The following CREBBP variants were observed in gnomAD, a reference collection of about 807,000 sequenced individuals.
CREBBP encodes CREB binding lysine acetyltransferase, also known as CREB-binding protein.
Under a neutral mutation model 265.0 loss-of-function variants are expected in CREBBP, and 19 were observed. That is an observed-to-expected ratio of 0.07 (90% CI 0.05 to 0.11). The LOEUF is 0.11. CREBBP is among the 10% of genes least tolerant of loss of function. CREBBP has a pLI of 1.00. For synonymous variants in CREBBP, 1,457 were observed against 1,223.7 expected, an observed-to-expected ratio of 1.19 and a Z score of -3.98; for missense variants, 2,525 against 3,219.0, an observed-to-expected ratio of 0.78 and a Z score of 5.22.
intron 3 of CREBBP, among the ~76,000 whole-genome samples, chr16:3,798,491 T>C (rs1342380168): frequency 6.6e-6 from 1 of 152,180 alleles, no homozygotes; most frequent in Non-Finnish European, 1.5e-5. Context: ...AAAAGACTAA[T>C]AGCCCAATTA....
rs534870621 is a variant in CREBBP at position 3,733,859 on chromosome 16, C to G, written c.4729-1922G>C. 1.5e-3 allele frequency among the ~76,000 whole-genome samples: 234 copies of G among 152,320 alleles called. 2 individuals carry two copies. In the South Asian group the frequency reaches 0.028, roughly 18 times the overall value. Reference sequence around the variant, plus strand: ...GTTTCACCATGTTGGCCAAGCTGGTCTCAAACTCCTGACCTCAAGTGATCC... The same window carrying G: ...GTTTCACCATGTTGGCCAAGCTGGTGTCAAACTCCTGACCTCAAGTGATCC... On this transcript the variant is annotated intron_variant, in intron 28 of 30. Transcript: ENST00000262367.
chr16:3,782,696 G>C lies in CREBBP; in HGVS notation c.1561C>G (p.Leu521Val). ...TTCCTTCACCTACCCAGGGGGTTGA[G>C]AGTCCTCATCTGCTGGTGGGTTTGA... ...QPQTHQQMRT[L>V]NPLGNNPMNI... The change falls in exon 6 of 31, where the codon CTC becomes GTC. Residue 521 changes from leucine (L) to valine (V), a missense_variant. Leu to Val is a conservative substitution (Grantham distance 32). Coordinates refer to ENST00000262367, the MANE Select transcript of CREBBP (RefSeq NM_004380.3). The C allele has an allele frequency of 6.2e-7, 1 of 1,614,126 alleles. No homozygotes were observed. The highest frequency in any genetic ancestry group is 8.5e-7 in the Non-Finnish European group (1 of 1,180,004).
intron 11 of CREBBP, among the ~76,000 whole-genome samples, chr16:3,776,568 T>G (rs1347497907): frequency 2.6e-5 from 4 of 152,162 alleles, no homozygotes; most frequent in Non-Finnish European, 5.9e-5. Context: ...CGTCCCCATT[T>G]CAGCCTCTGC....
Position 3,725,936 on chromosome 16 carries a change from G to A in CREBBP, c.*1782C>T, listed in dbSNP as rs2051730674. On this transcript the variant is annotated 3_prime_UTR_variant, in exon 31 of 31. Coordinates refer to ENST00000262367, the MANE Select transcript of CREBBP (RefSeq NM_004380.3). ...TTAGGGGATGAACTTCAGCTCCCCT[G>A]CCCATGGTCCTCCTCTCAGTTTTAC... 1 of 233,058 alleles carries A rather than the reference G, an allele frequency of 4.3e-6. No individual in the cohort carries two copies. Among genetic ancestry groups the A allele is most frequent in the African/African-American group, 2.2e-5 (1 of 45,322 alleles). The allele number at this position is 233,058 out of a possible 1,614,324, so 14.4% of individuals were successfully genotyped here.
At chr16:3,835,152 C>T (rs1039545376) in intron 2 of CREBBP, among the ~76,000 whole-genome samples, 1 of 152,084 alleles carries the variant, frequency 6.6e-6, no homozygotes. Context: ...GAGCGAGACT[C>T]CTTCTCCAAA....
intron 13 of CREBBP, among the ~76,000 whole-genome samples, chr16:3,773,450 A>G (rs2053062274): frequency 1.3e-5 from 2 of 152,358 alleles, no homozygotes; most frequent in South Asian, 4.1e-4. Flanking sequence ...AGAATTTAAA[A>G]TACACAAACA....
Position 3,875,448 on chromosome 16 carries a change from G to A in CREBBP, c.85+4384C>T, listed in dbSNP as rs575732806. Among the ~76,000 whole-genome samples, 5 of 152,194 alleles carry A rather than the reference G, an allele frequency of 3.3e-5. No homozygotes were observed. In the South Asian group the frequency reaches 6.2e-4, roughly 19 times the overall value. On this transcript the variant is annotated intron_variant, in intron 1 of 30. Coordinates refer to ENST00000262367, the MANE Select transcript of CREBBP (RefSeq NM_004380.3). Reference sequence around the variant, plus strand: ...TTCTCCCTGAGGTAAACAGGAACACGAGCCCACACACGTCACGCTGAGGAT... The same window carrying A: ...TTCTCCCTGAGGTAAACAGGAACACAAGCCCACACACGTCACGCTGAGGAT...
chr16:3,783,278 C>T (rs773655091), intron 5 of CREBBP, among the ~76,000 whole-genome samples: 13 of 152,178 alleles, frequency 8.5e-5, no homozygotes, highest in Non-Finnish European at 1.6e-4. Context: ...ACAAGGGAAA[C>T]GTCTGATTCT....
chr16:3,854,493 T>A (rs1041474071), intron 1 of CREBBP, among the ~76,000 whole-genome samples: 6 of 152,202 alleles, frequency 3.9e-5, no homozygotes, highest in African/African-American at 1.4e-4. Context: ...GAAAATACAC[T>A]TACTATCACT....
intron 3 of CREBBP, among the ~76,000 whole-genome samples, chr16:3,794,895 G>C (rs905331188): frequency 1.3e-5 from 2 of 152,124 alleles, no homozygotes; most frequent in African/African-American, 2.4e-5. Context: ...TTGCTTCCAC[G>C]ACCCTCATTA....
At chr16:3,742,908 G>T (rs1215860219) in intron 23 of CREBBP, 1 of 152,186 alleles carries the variant, frequency 6.6e-6, no homozygotes, top group Non-Finnish European at 1.5e-5. Context: ...CTGCTCTGGG[G>T]CCACTTGTGC....
intron 23 of CREBBP, chr16:3,740,887 C>T (rs555322745): frequency 4.2e-5 from 16 of 378,002 alleles, no homozygotes; most frequent in East Asian, 2.6e-4. Flanking sequence ...TGTTGCTTCC[C>T]GCTTTCCCTG....
At chr16:3,840,277 G>C (rs1271414713) in intron 2 of CREBBP, among the ~76,000 whole-genome samples, 1 of 152,180 alleles carries the variant, frequency 6.6e-6, no homozygotes, top group African/African-American at 2.4e-5. Context: ...TTCCAGCCAG[G>C]CATGATAGTT....
chr16:3,741,942 T>TGGTGGCGGGCGC (rs2052222542), intron 23 of CREBBP: 1 of 151,698 alleles, frequency 6.6e-6, no homozygotes, highest in Non-Finnish European at 1.5e-5. Context: ...ACTACAGGCA[T>TGGTGGCGGGCGC]GGTGGCGGGC....
intron 8 of CREBBP, among the ~76,000 whole-genome samples, 199 bp from the exon 9 acceptor site, chr16:3,779,016 A>C (rs1178863541): frequency 6.6e-6 from 1 of 151,828 alleles, no homozygotes; most frequent in Non-Finnish European, 1.5e-5. Flanking sequence ...AAAATACAAA[A>C]ATTAGCTGGG....
At chr16:3,858,473 T>C (rs903867706) in intron 1 of CREBBP, among the ~76,000 whole-genome samples, 3 of 152,238 alleles carry the variant, frequency 2.0e-5, no homozygotes, top group Non-Finnish European at 4.4e-5. Flanking sequence ...GTTAAAATTA[T>C]GCTAACAATT....
chr16:3,818,822 T>C (rs887463755), intron 2 of CREBBP, among the ~76,000 whole-genome samples: 2 of 152,172 alleles, frequency 1.3e-5, no homozygotes, highest in African/African-American at 2.4e-5. Flanking sequence ...GTAATAAGCT[T>C]TGCAAAGACA....
intron 28 of CREBBP, among the ~76,000 whole-genome samples, chr16:3,735,105 G>A (rs1032265265): frequency 3.3e-5 from 5 of 152,100 alleles, no homozygotes; most frequent in Admixed American, 6.5e-5. Flanking sequence ...CGCACACAGC[G>A]CGCCTCCTCC....
chr16:3,810,650 A>G lies in CREBBP; in HGVS notation c.928T>C (p.Phe310Leu). ...KQSMVNSLPT[F>L]PTDIKNTSVT... ...GAAGTATTCTTGATATCTGTAGGGAAGGTGGGCAAACTGTTGACCATGCTC... is the reference window on the plus strand; with the variant it reads ...GAAGTATTCTTGATATCTGTAGGGAGGGTGGGCAAACTGTTGACCATGCTC... Residue 310 changes from phenylalanine to leucine, a missense_variant, in exon 3 of 31, where the codon TTC (phenylalanine) becomes CTC (leucine). This residue lies in a region of CREBBP where 126 missense variants were observed against 171.9 expected (regional missense o/e 0.73). Coordinates refer to ENST00000262367, the MANE Select transcript of CREBBP (RefSeq NM_004380.3). The G allele has an allele frequency of 6.2e-6, 10 of 1,613,816 alleles. No individual in the cohort carries two copies. The highest frequency in any genetic ancestry group is 8.5e-6 in the Non-Finnish European group (10 of 1,180,000).
Sources: gnomAD v4.1 joint callset for allele counts (sites outside exome capture counted in the v4.1 genomes callset) on GRCh38, gnomAD v4.1.1 for gene constraint, gnomAD v4.1.1 regional missense constraint, MANE v1.5 for transcripts, NCBI Gene and HGNC (gene_info 2026-07-23, HGNC 2026-07-21) for gene names.